The following CACNA2D3 variants were observed in gnomAD, a reference collection of about 807,000 sequenced individuals.
The protein encoded by CACNA2D3 is voltage-dependent calcium channel subunit alpha-2/delta-3.
CACNA2D3 carries 60 observed loss-of-function variants against 160.6 expected under a neutral mutation model. That is an observed-to-expected ratio of 0.37 (90% confidence interval 0.30 to 0.46). CACNA2D3 has a LOEUF of 0.46. CACNA2D3 is among the 20% of genes least tolerant of loss of function. CACNA2D3 has a pLI of 1.00. For synonymous variants in CACNA2D3, 558 were observed against 492.9 expected, an observed-to-expected ratio of 1.13 and a Z score of -1.75; for missense variants, 1,205 against 1,365.0, an observed-to-expected ratio of 0.88 and a Z score of 1.85.
chr3:54,837,996 G>T (rs1698734674), intron 15 of CACNA2D3, among the ~76,000 whole-genome samples: 1 of 152,120 alleles, frequency 6.6e-6, no homozygotes, highest in Admixed American at 6.5e-5. Context: ...TAAAAAAATG[G>T]CCTTTCTGAC....
chr3:55,041,042 A>C (rs1459288460), intron 35 of CACNA2D3, among the ~76,000 whole-genome samples: 4 of 152,126 alleles, frequency 2.6e-5, no homozygotes, highest in Non-Finnish European at 5.9e-5. Flanking sequence ...ACTCTTCAGC[A>C]CCATGCCTTT....
chr3:54,605,832 G>C (rs1321713747), intron 9 of CACNA2D3, among the ~76,000 whole-genome samples: 1 of 152,170 alleles, frequency 6.6e-6, no homozygotes, highest in East Asian at 1.9e-4. Context: ...ATTGACAGCT[G>C]TGTGGCATGT....
intron 31 of CACNA2D3, among the ~76,000 whole-genome samples, chr3:54,996,764 A>G (rs904700195): frequency 1.3e-5 from 2 of 152,170 alleles, no homozygotes; most frequent in African/African-American, 4.8e-5. Context: ...TTTAAAGTGG[A>G]ACCAACCCAA....
chr3:54,246,537 A>G (rs934646380), intron 2 of CACNA2D3, among the ~76,000 whole-genome samples: 2 of 152,034 alleles, frequency 1.3e-5, no homozygotes, highest in African/African-American at 4.8e-5. Context: ...TACTAAAAAT[A>G]CAAAAATTAG....
intron 35 of CACNA2D3, among the ~76,000 whole-genome samples, chr3:55,067,200 A>T (rs1440769785): frequency 6.6e-6 from 1 of 152,130 alleles, no homozygotes; most frequent in Admixed American, 6.5e-5. Flanking sequence ...GGACTTTGAA[A>T]ACAATGCTAT....
chr3:54,174,224 C>T (rs1700623410), intron 2 of CACNA2D3, among the ~76,000 whole-genome samples: 1 of 152,106 alleles, frequency 6.6e-6, no homozygotes. Context: ...TTTGCTGATC[C>T]CTGCTGTAGG....
At chr3:54,523,886 T>G (rs1412869491) in intron 5 of CACNA2D3, among the ~76,000 whole-genome samples, 1 of 152,014 alleles carries the variant, frequency 6.6e-6, no homozygotes, top group Non-Finnish European at 1.5e-5. Context: ...GAGTTTTTCT[T>G]TCTTTTTCGT....
chr3:54,951,380 A>G (rs1191704898), intron 27 of CACNA2D3, among the ~76,000 whole-genome samples: 1 of 152,234 alleles, frequency 6.6e-6, no homozygotes, highest in Non-Finnish European at 1.5e-5. Flanking sequence ...CATGTGCAAG[A>G]CATACTTTGT....
intron 27 of CACNA2D3, among the ~76,000 whole-genome samples, chr3:54,913,031 C>G (rs959096245): frequency 2.0e-5 from 3 of 152,078 alleles, no homozygotes; most frequent in Admixed American, 6.5e-5. Context: ...GACTATTGCT[C>G]TCGTCCTTGA....
rs114848877 is a variant in CACNA2D3 at position 54,839,333 on chromosome 3, C to G, written c.1551+685C>G. Among the ~76,000 whole-genome samples the G allele has an allele frequency of 6.5e-3, 991 of 152,232 alleles. 10 individuals are homozygous for G. The highest frequency in any genetic ancestry group is 0.023 in the African/African-American group (939 of 41,546). ...ACTCTCCTATTTCCTGGTGGGGACT[C>G]TTTGGAAAAACAAATCAAAAAGTGG... On this transcript the variant is annotated intron_variant, in intron 16 of 37. Transcript: ENST00000474759.
intron 4 of CACNA2D3, among the ~76,000 whole-genome samples, chr3:54,436,047 G>T (rs934364557): frequency 6.6e-6 from 1 of 152,114 alleles, no homozygotes; most frequent in African/African-American, 2.4e-5. Flanking sequence ...AATTTACTTA[G>T]TTTGAAAAAC....
intron 2 of CACNA2D3, among the ~76,000 whole-genome samples, chr3:54,305,397 A>C (rs964483936): frequency 1.2e-4 from 18 of 152,366 alleles, no homozygotes; most frequent in Admixed American, 2.6e-4. Context: ...CATTTGAGAA[A>C]TCATCATTTA....
At chr3:54,812,408 C>A (rs537891049) in intron 13 of CACNA2D3, among the ~76,000 whole-genome samples, 1 of 152,248 alleles carries the variant, frequency 6.6e-6, no homozygotes, top group Non-Finnish European at 1.5e-5. Context: ...GACAACTGAC[C>A]AGAGAAATAG....
At chr3:54,308,842 G>A (rs1353811091) in intron 2 of CACNA2D3, among the ~76,000 whole-genome samples, 1 of 152,100 alleles carries the variant, frequency 6.6e-6, no homozygotes, top group African/African-American at 2.4e-5. Flanking sequence ...TCTGGGAGCA[G>A]GAAAGGTGAA....
chr3:54,532,626 A>G (rs1031673780), intron 5 of CACNA2D3, among the ~76,000 whole-genome samples: 1 of 152,226 alleles, frequency 6.6e-6, no homozygotes, highest in Non-Finnish European at 1.5e-5. Flanking sequence ...TGCAAAAGAC[A>G]TGATTTCATT....
chr3:54,944,814 G>GGT (rs34193625), intron 27 of CACNA2D3, among the ~76,000 whole-genome samples: 9,433 of 111,286 alleles, frequency 0.085, 339 homozygotes, highest in Non-Finnish European at 0.1. Flanking sequence ...TAGAGCTGGG[G>GGT]GTGTGTGTGT....
intron 5 of CACNA2D3, among the ~76,000 whole-genome samples, chr3:54,519,530 C>G (rs1701611990): frequency 6.6e-6 from 1 of 152,174 alleles, no homozygotes; most frequent in African/African-American, 2.4e-5. Flanking sequence ...TTCAACAGTG[C>G]AGTAGGGAGT....
chr3:54,989,152 G>A (rs573143321), intron 31 of CACNA2D3, among the ~76,000 whole-genome samples: 2 of 152,180 alleles, frequency 1.3e-5, no homozygotes, highest in African/African-American at 2.4e-5. Flanking sequence ...TCAACTTGGT[G>A]GGGGGAGGAG....
At chr3:54,292,480 T>G (rs1347496169) in intron 2 of CACNA2D3, among the ~76,000 whole-genome samples, 3 of 151,894 alleles carry the variant, frequency 2.0e-5, no homozygotes, top group African/African-American at 4.8e-5. Flanking sequence ...AGCTCAATAA[T>G]AAAAAGACAA....
Sources: gnomAD v4.1 joint callset for allele counts (sites outside exome capture counted in the v4.1 genomes callset) on GRCh38, gnomAD v4.1.1 for gene constraint, MANE v1.5 for transcripts, NCBI Gene and HGNC (gene_info 2026-07-23, HGNC 2026-07-21) for gene names.